The following CDH18 variants were observed in gnomAD, a reference collection of about 807,000 sequenced individuals.
The protein encoded by CDH18 is cadherin 18.
Under a neutral mutation model 67.9 loss-of-function variants are expected in CDH18, and 31 were observed. That is an observed-to-expected ratio of 0.46 (90% CI 0.34 to 0.62). The LOEUF is 0.62. Ranked by LOEUF, CDH18 falls within the 20% of genes least tolerant of loss-of-function variation. The pLI, the probability that CDH18 is intolerant of heterozygous loss-of-function variation, is 0.01. For missense variants in CDH18, 890 were observed against 975.5 expected, an observed-to-expected ratio of 0.91 and a Z score of 1.17; for synonymous variants, 362 against 347.2, an observed-to-expected ratio of 1.04 and a Z score of -0.48.
At chr5:20,423,776 T>G (rs1220882631) in intron 1 of CDH18, among the ~76,000 whole-genome samples, 1 of 149,590 alleles carries the variant, frequency 6.7e-6, no homozygotes, top group Non-Finnish European at 1.5e-5. Context: ...AAACTACGTC[T>G]CTACTAAAAA....
In CDH18 at chr5:20,122,810, G is replaced by GTATATATATATA. The variant is rs138170795; in HGVS notation, c.-517-130808_-517-130797dup. 1.7e-3 allele frequency among the ~76,000 whole-genome samples: 241 copies of GTATATATATATA among 142,404 alleles called. 1 individual carries two copies. Among genetic ancestry groups the GTATATATATATA allele is most frequent in the African/African-American group, 5.9e-3 (230 of 39,182 alleles). 93.4% of individuals were successfully genotyped at this position (142,404 alleles called of 152,430 possible). On this transcript the variant is annotated intron_variant, in intron 2 of 14. Coordinates refer to the CDH18 transcript ENST00000507958. ...TTTTCTAATTCGATATGAATACAAAGTATATATATATATATATACATATAT... is the reference window on the plus strand; with the variant it reads ...TTTTCTAATTCGATATGAATACAAAGTATATATATATATATATATATATATATATACATATAT...
At chr5:20,225,759 C>T (rs1741576069) in intron 2 of CDH18, among the ~76,000 whole-genome samples, 2 of 152,042 alleles carry the variant, frequency 1.3e-5, no homozygotes, top group African/African-American at 2.4e-5. Context: ...TGGATGCCTA[C>T]AGAAGGTGAC....
intron 1 of CDH18, among the ~76,000 whole-genome samples, chr5:20,419,420 TTTCCG>T (rs1359924076): frequency 1.3e-5 from 2 of 149,062 alleles, no homozygotes; most frequent in Non-Finnish European, 3.0e-5. Context: ...GAGAAATAAA[TTTCCG>T]TTGTTTCTAA....
intron 5 of CDH18, among the ~76,000 whole-genome samples, chr5:19,629,060 G>T (rs532669043): frequency 1.0e-3 from 153 of 152,320 alleles, no homozygotes; most frequent in African/African-American, 3.1e-3. Flanking sequence ...AATGGAGTCA[G>T]AGACATCATA....
At chr5:19,759,042 G>C (rs569286555) in intron 3 of CDH18, among the ~76,000 whole-genome samples, 7 of 152,358 alleles carry the variant, frequency 4.6e-5, no homozygotes, top group African/African-American at 1.7e-4. Context: ...AAGGCAAATT[G>C]CTTCTGGTGG....
chr5:20,166,535 A>G (rs897818656), intron 2 of CDH18, among the ~76,000 whole-genome samples: 3 of 152,130 alleles, frequency 2.0e-5, no homozygotes, highest in Non-Finnish European at 4.4e-5. Context: ...TGCCACCTAC[A>G]GAACTGGTTC....
intron 2 of CDH18, among the ~76,000 whole-genome samples, chr5:19,851,430 AAAAC>A (rs1783677690): frequency 6.7e-6 from 1 of 150,120 alleles, no homozygotes; most frequent in South Asian, 2.1e-4. Context: ...AGCCAAAAAA[AAAAC>A]AAACCCAAAA....
At chr5:19,792,986 C>T (rs1011931593) in intron 3 of CDH18, among the ~76,000 whole-genome samples, 3 of 152,084 alleles carry the variant, frequency 2.0e-5, no homozygotes, top group African/African-American at 7.2e-5. Context: ...GCCTTTATAG[C>T]TTGGCATTTG....
chr5:20,562,735 C>G (rs1179443753), intron 1 of CDH18, among the ~76,000 whole-genome samples: 2 of 151,662 alleles, frequency 1.3e-5, no homozygotes, highest in Non-Finnish European at 3.0e-5. Context: ...TGGAATAAAA[C>G]ATTATTGCGT....
intron 1 of CDH18, among the ~76,000 whole-genome samples, chr5:20,471,833 T>TAAAAAAAAAAAAAAAAAAAAAAAAAAAA (rs70954659): frequency 1.9e-5 from 1 of 51,498 alleles, no homozygotes; most frequent in African/African-American, 6.5e-5. Flanking sequence ...AGATTCAGTC[T>TAAAAAAAAAAAAAAAAAAAAAAAAAAAA]AAAAAAAAAA....
intron 5 of CDH18, among the ~76,000 whole-genome samples, chr5:19,634,908 G>A (rs1272990567): frequency 6.8e-6 from 1 of 146,928 alleles, no homozygotes; most frequent in African/African-American, 2.5e-5. Flanking sequence ...TTGCACTCCA[G>A]CCTGGGCAGT....
chr5:19,635,631 C>T (rs115336607), intron 5 of CDH18, among the ~76,000 whole-genome samples: 5,222 of 152,170 alleles, frequency 0.034, 302 homozygotes, highest in African/African-American at 0.12. Context: ...CCAAAACAAA[C>T]AAACAAACAA....
chr5:19,716,385 A>G (rs866929454), intron 5 of CDH18, among the ~76,000 whole-genome samples: 7 of 152,232 alleles, frequency 4.6e-5, no homozygotes, highest in Admixed American at 1.3e-4. Context: ...AATTTACGCT[A>G]TATTTATATT....
At chr5:19,702,692 C>T (rs189192710) in intron 5 of CDH18, among the ~76,000 whole-genome samples, 515 of 152,066 alleles carry the variant, frequency 3.4e-3, no homozygotes, top group South Asian at 6.0e-3. Context: ...CACTTGAACC[C>T]GGGAGGTGGA....
intron 5 of CDH18, among the ~76,000 whole-genome samples, chr5:19,694,658 T>C (rs1181000940): frequency 2.0e-5 from 3 of 150,442 alleles, no homozygotes; most frequent in Non-Finnish European, 4.5e-5. Context: ...TCTGTGTGTG[T>C]GTGTGTGTGT....
chr5:20,303,378 T>G (rs1736112993), intron 1 of CDH18, among the ~76,000 whole-genome samples: 1 of 152,124 alleles, frequency 6.6e-6, no homozygotes, highest in Admixed American at 6.6e-5. Flanking sequence ...GAATAGACAC[T>G]ACAAAGCCAA....
chr5:20,130,098 A>G (rs1000611812), intron 2 of CDH18, among the ~76,000 whole-genome samples: 28 of 76,736 alleles, frequency 3.6e-4, no homozygotes, highest in African/African-American at 1.1e-3. Context: ...TTATTATTGA[A>G]TGTGTTTGGA....
chr5:19,561,725 TA>T (rs1196568009), intron 8 of CDH18, among the ~76,000 whole-genome samples: 1 of 152,278 alleles, frequency 6.6e-6, no homozygotes, highest in African/African-American at 2.4e-5. Flanking sequence ...ATGTTTGGCC[TA>T]GGGGAAAAAA....
At chr5:20,498,371 T>C (rs1224398342) in intron 1 of CDH18, among the ~76,000 whole-genome samples, 1 of 152,094 alleles carries the variant, frequency 6.6e-6, no homozygotes, top group African/African-American at 2.4e-5. Context: ...CTCCAAAGAC[T>C]ACTCCCTCTC....
Sources: allele counts gnomAD v4.1 joint callset (sites outside exome capture counted in the v4.1 genomes callset), GRCh38; gene constraint gnomAD v4.1.1; transcripts MANE v1.5; gene names NCBI Gene and HGNC (gene_info 2026-07-23, HGNC 2026-07-21).